Variants in RNGTT observed in about 807,000 individuals in gnomAD.
RNGTT encodes the protein mRNA-capping enzyme.
A neutral mutation model predicts 79.3 loss-of-function variants in RNGTT; 33 were observed. That is an observed-to-expected ratio of 0.42 (90% CI 0.32 to 0.56). The LOEUF (loss-of-function observed/expected upper bound fraction) is 0.56, where lower values mean the gene tolerates loss of function less well. RNGTT is among the 20% of genes least tolerant of loss of function. RNGTT has a pLI of 0.17. For synonymous variants in RNGTT, 222 were observed against 235.9 expected (o/e 0.94, Z 0.54); for missense variants, 497 against 739.1 (o/e 0.67, Z 3.80).
intron 11 of RNGTT, among the ~76,000 whole-genome samples, chr6:88,819,386 A>C (rs2127878586): frequency 6.6e-6 from 1 of 152,248 alleles, no homozygotes; most frequent in African/African-American, 2.4e-5. Flanking sequence ...AAGAATGAAA[A>C]AGGGCAAATT....
At chr6:88,614,216 T>G (rs1772136303) in intron 15 of RNGTT, 56 bp downstream of exon 15, 1 of 1,582,802 alleles carries the variant, frequency 6.3e-7, no homozygotes, top group African/African-American at 1.4e-5. Flanking sequence ...ACTTTGGGTC[T>G]AACACCTTAA....
At chr6:88,922,620 C>T (rs928167740) in intron 4 of RNGTT, among the ~76,000 whole-genome samples, 11 of 152,030 alleles carry the variant, frequency 7.2e-5, no homozygotes, top group Non-Finnish European at 7.4e-5. Flanking sequence ...CTCCACCTCC[C>T]GGGTTCATGC....
At chr6:88,725,961 GAA>G (rs1311502889) in intron 13 of RNGTT, among the ~76,000 whole-genome samples, 1 of 151,720 alleles carries the variant, frequency 6.6e-6, no homozygotes, top group Non-Finnish European at 1.5e-5. Context: ...GAGAGAGAGA[GAA>G]AGAGAGAGAC....
chr6:88,891,657 A>C lies in RNGTT; in HGVS notation c.794+149T>G, dbSNP rs895539126. On this transcript the variant is annotated intron_variant, in intron 7 of 15. Coordinates refer to ENST00000369485, the MANE Select transcript of RNGTT (RefSeq NM_003800.5). ...TTTGACTCAACTGTCTGGTTATTGC[A>C]TTGATTGTCTTGAACGAAATCTGAC... 5.0e-5 allele frequency: 23 copies of C among 458,886 alleles called. No individual in the cohort carries two copies. The East Asian group carries it at 5.2e-4, about 10-fold the overall frequency. The allele number at this position is 458,886 out of a possible 1,614,324, so 28.4% of individuals were successfully genotyped here.
chr6:88,922,559 G>A (rs545077873), intron 4 of RNGTT, among the ~76,000 whole-genome samples: 7 of 151,368 alleles, frequency 4.6e-5, no homozygotes, highest in South Asian at 2.1e-4. Context: ...ATGGAGTCTC[G>A]CTCTGTCACC....
Position 88,670,027 on chromosome 6 carries a change from G to A in RNGTT, c.1506+8326C>T, listed in dbSNP as rs567119094. Among the ~76,000 whole-genome samples, 125 of 152,296 alleles carry A rather than the reference G, an allele frequency of 8.2e-4. 1 individual carries two copies. Among genetic ancestry groups the A allele is most frequent in the Non-Finnish European group, 1.5e-3 (103 of 68,016 alleles). ...AGAACTTTGACTGTTAGCCCGGCAA[G>A]AAACCCAGATAAGAAATGCTATTTA... is the stretch of plus-strand genomic sequence containing the variant. On this transcript the variant is annotated intron_variant, in intron 14 of 15. Coordinates refer to ENST00000369485, the MANE Select transcript of RNGTT (RefSeq NM_003800.5).
Position 88,826,824 on chromosome 6 carries a change from GTATATA to G in RNGTT, c.1269+17527_1269+17532del, listed in dbSNP as rs372174983. On this transcript the variant is annotated intron_variant, in intron 11 of 15. Transcript: ENST00000369485. ...AATATATATATATATATATGTGTGT[GTATATA>G]TATATATATATATATGTGTGTGTGT... Among the ~76,000 whole-genome samples, 453 of 129,192 alleles carry G rather than the reference GTATATA, an allele frequency of 3.5e-3. 2 individuals carry two copies. The highest frequency in any genetic ancestry group is 5.2e-3 in the Admixed American group (64 of 12,340). The allele number at this position is 129,192 out of a possible 152,430, so 84.8% of individuals were successfully genotyped here. A position where few individuals can be genotyped will look rare whatever the true frequency, so the allele number is the denominator to read the frequency against.
chr6:88,788,287 CG>C (rs1316745185), intron 12 of RNGTT, among the ~76,000 whole-genome samples: 1 of 151,914 alleles, frequency 6.6e-6, no homozygotes, highest in African/African-American at 2.4e-5. Context: ...CACTGAGCCC[CG>C]AGAAACACCA....
intron 13 of RNGTT, among the ~76,000 whole-genome samples, chr6:88,685,596 A>T (rs1057185895): frequency 2.0e-5 from 3 of 151,972 alleles, no homozygotes; most frequent in Non-Finnish European, 4.4e-5. Flanking sequence ...AAGGGAAGAA[A>T]AAAGAAGCAA....
intron 2 of RNGTT, among the ~76,000 whole-genome samples, chr6:88,929,512 C>T (rs1025562518): frequency 2.6e-5 from 4 of 152,000 alleles, no homozygotes; most frequent in Non-Finnish European, 5.9e-5. Context: ...GGAATATAAG[C>T]AAAACAAATT....
intron 13 of RNGTT, among the ~76,000 whole-genome samples, chr6:88,749,350 T>C (rs1396723004): frequency 2.6e-5 from 4 of 152,152 alleles, no homozygotes; most frequent in Non-Finnish European, 4.4e-5. Flanking sequence ...AAGGATTACA[T>C]TTCTTGGAAA....
intron 6 of RNGTT, 141 bp downstream of exon 6, chr6:88,904,574 A>AAT: frequency 1.5e-4 from 133 of 866,636 alleles, no homozygotes; most frequent in Middle Eastern, 3.9e-4. Context: ...AAAAAAAAAA[A>AAT]TTTTTTTTTT....
At chr6:88,712,077 C>T (rs1776337664) in intron 13 of RNGTT, among the ~76,000 whole-genome samples, 1 of 151,998 alleles carries the variant, frequency 6.6e-6, no homozygotes, top group African/African-American at 2.4e-5. Flanking sequence ...ACCAAAGGAC[C>T]AGATATCAGA....
intron 13 of RNGTT, among the ~76,000 whole-genome samples, chr6:88,749,172 A>G (rs1777762018): frequency 6.6e-6 from 1 of 152,212 alleles, no homozygotes; most frequent in African/African-American, 2.4e-5. Flanking sequence ...CAGAGCCAAA[A>G]GAAATGTTAA....
At chr6:88,770,800 T>G (rs1192069337) in intron 12 of RNGTT, among the ~76,000 whole-genome samples, 33 of 152,210 alleles carry the variant, frequency 2.2e-4, no homozygotes, top group Non-Finnish European at 1.5e-5. Context: ...TCTTCTTAAT[T>G]TAGCCTTTCT....
chr6:88,640,068 A>G (rs1773250193), intron 14 of RNGTT, among the ~76,000 whole-genome samples: 1 of 152,092 alleles, frequency 6.6e-6, no homozygotes, highest in South Asian at 2.1e-4. Context: ...ATCCTGAAGT[A>G]TTTATTCAAT....
At chr6:88,919,969 G>A (rs1056040302) in intron 4 of RNGTT, among the ~76,000 whole-genome samples, 9 of 152,070 alleles carry the variant, frequency 5.9e-5, no homozygotes, top group South Asian at 2.1e-4. Context: ...GATTACAGGC[G>A]TGAGCCACTG....
At chr6:88,951,328 AT>A (rs1376360877) in intron 1 of RNGTT, among the ~76,000 whole-genome samples, 1 of 152,196 alleles carries the variant, frequency 6.6e-6, no homozygotes, top group Non-Finnish European at 1.5e-5. Flanking sequence ...ACAACAAAGG[AT>A]TTAGAATATT....
At chr6:88,801,011 T>C (rs1036229992) in intron 12 of RNGTT, among the ~76,000 whole-genome samples, 1 of 152,212 alleles carries the variant, frequency 6.6e-6, no homozygotes, top group African/African-American at 2.4e-5. Context: ...AAACCTGCTA[T>C]AGAGTAAAAT....
Sources: gnomAD v4.1 joint callset for allele counts (sites outside exome capture counted in the v4.1 genomes callset) on GRCh38, gnomAD v4.1.1 for gene constraint, MANE v1.5 for transcripts, NCBI Gene and HGNC (gene_info 2026-07-23, HGNC 2026-07-21) for gene names.